C8orf33: variants seen among roughly 807,000 people sequenced by gnomAD.
The protein encoded by C8orf33 is chromosome 8 open reading frame 33, also known as UPF0488 protein C8orf33.
A neutral mutation model predicts 25.7 loss-of-function variants in C8orf33; 28 were observed. The observed-to-expected ratio is 1.09, with a 90% CI of 0.81 to 1.49. The LOEUF (loss-of-function observed/expected upper bound fraction) is 1.49, where lower values mean the gene tolerates loss of function less well. C8orf33 is among the 40% of genes most tolerant of loss of function. C8orf33 has a pLI of 0.00. For missense variants in C8orf33, 369 were observed against 294.4 expected, an observed-to-expected ratio of 1.25 and a Z score of -1.85; for synonymous variants, 153 against 115.9, an observed-to-expected ratio of 1.32 and a Z score of -2.06.
chr8:145,052,475 G>C lies in C8orf33; in HGVS notation c.-17G>C. On this transcript the variant is annotated 5_prime_UTR_variant, in exon 1 of 5. Coordinates refer to ENST00000331434, the MANE Select transcript of C8orf33 (RefSeq NM_023080.3). ...CGGACTCTGCGCCCCGCGTAGTTCC[G>C]GTGGCGACTGCGGCGCATGGCGGTG... The C allele has an allele frequency of 6.3e-7, 1 of 1,597,726 alleles. No homozygotes were observed. Among genetic ancestry groups the C allele is most frequent in the African/African-American group, 1.3e-5 (1 of 74,820 alleles).
rs1408223832 is a variant in C8orf33 at position 145,055,300 on chromosome 8, A to T, written c.*1143A>T. On this transcript the variant is annotated 3_prime_UTR_variant, in exon 5 of 5. Coordinates refer to ENST00000331434, the MANE Select transcript of C8orf33 (RefSeq NM_023080.3). ...CAATTACTCTTTATTCCAATATTAT[A>T]ATAATCCTCACTCTACAATCATAAC... is the stretch of plus-strand genomic sequence containing the variant. 6.6e-5 allele frequency: 10 copies of T among 152,252 alleles called. No individual in the cohort carries two copies. The highest frequency in any genetic ancestry group is 1.5e-4 in the Non-Finnish European group (10 of 68,084). 9.4% of individuals were successfully genotyped at this position (152,252 alleles called of 1,614,324 possible).
At chr8:145,053,266 G>A (rs766541371) in intron 3 of C8orf33, 31 bp from the exon 4 acceptor site, 55 of 1,613,788 alleles carry the variant, frequency 3.4e-5, no homozygotes, top group Middle Eastern at 1.6e-4. Context: ...AGTAATAGAG[G>A]TGTTCACTAG....
intron 4 of C8orf33, 142 bp downstream of exon 4, chr8:145,053,585 A>C (rs79908634): frequency 0.031 from 25,214 of 807,996 alleles, 430 homozygotes; most frequent in Middle Eastern, 0.037. Context: ...GCAGGGAAAC[A>C]GAAAGCGTGG....
chr8:145,052,497 G>C lies in C8orf33; in HGVS notation c.6G>C (p.Ala2=). The C allele has an allele frequency of 1.9e-6, 3 of 1,599,218 alleles. No homozygotes were observed. The highest frequency in any genetic ancestry group is 2.5e-6 in the Non-Finnish European group (3 of 1,179,568). The change falls in exon 1 of 5, where the codon GCG becomes GCC. Residue 2 remains alanine, a splice_region_variant and synonymous_variant. Transcript: ENST00000331434. ...TCCGGTGGCGACTGCGGCGCATGGCGGTGAGCGGTGTGGAGAAGACGCGCG... is the reference window on the plus strand; with the variant it reads ...TCCGGTGGCGACTGCGGCGCATGGCCGTGAGCGGTGTGGAGAAGACGCGCG... M[A]ALGHLAGEAA...
At position 145,055,346 on chromosome 8, in the gene C8orf33, C is replaced by G. The variant is rs1011859456; in HGVS notation, c.*1189C>G. 1 of 152,278 alleles carries G rather than the reference C, an allele frequency of 6.6e-6. No individual in the cohort carries two copies. The highest frequency in any genetic ancestry group is 2.4e-5 in the African/African-American group (1 of 41,404). 9.4% of individuals were successfully genotyped at this position (152,278 alleles called of 1,614,324 possible). A position where few individuals can be genotyped will look rare whatever the true frequency, so the allele number is the denominator to read the frequency against. ...ATAACCTAGGAAAAACCAGGCCATA[C>G]AGAGATAGGAGCCGAGGGGACATAG... is the stretch of plus-strand genomic sequence containing the variant. On this transcript the variant is annotated 3_prime_UTR_variant, in exon 5 of 5. Transcript: ENST00000331434.
Position 145,053,345 on chromosome 8 carries a change from CCTT to C in C8orf33, c.453_455del (p.Leu152del). 6.2e-7 allele frequency: 1 copy of C among 1,614,214 alleles called. No individual in the cohort carries two copies. The highest frequency in any genetic ancestry group is 8.5e-7 in the Non-Finnish European group (1 of 1,180,034). ...CGAACCCTGCGCAGCAAAAGAACGC[CCTT>C]GCCCCGGAAGAGGCAGCTGATGCAC... On this transcript the variant is annotated inframe_deletion, in exon 4 of 5. Transcript: ENST00000331434.
intron 3 of C8orf33, 51 bp from the exon 4 acceptor site, chr8:145,053,246 G>C (rs762811128): frequency 6.2e-7 from 1 of 1,613,090 alleles, no homozygotes; most frequent in East Asian, 2.2e-5. Context: ...CGGCGGGGTG[G>C]TAGGAGGTCA....
rs1056143803 is a variant in C8orf33, at chr8:145,055,584, G to C, written c.*1427G>C. On this transcript the variant is annotated 3_prime_UTR_variant, in exon 5 of 5. Coordinates refer to ENST00000331434, the MANE Select transcript of C8orf33 (RefSeq NM_023080.3). ...CCTTTCCCCGGGGGAGTTTAGAGAA[G>C]ACTACTCCTCCACCTCTTGTGGAGG... 2 of 158,212 alleles carry C rather than the reference G, an allele frequency of 1.3e-5. No individual in the cohort carries two copies. The highest frequency in any genetic ancestry group is 2.7e-5 in the Non-Finnish European group (2 of 73,334). 9.8% of individuals were successfully genotyped at this position (158,212 alleles called of 1,614,324 possible). A position where few individuals can be genotyped will look rare whatever the true frequency, so the allele number is the denominator to read the frequency against.
chr8:145,053,417 G>A lies in C8orf33; in HGVS notation c.524G>A (p.Arg175His), dbSNP rs748114106. ...DYRAQMEAEW[R>H]EALRALRAAA... is the part of the protein sequence containing the mutation. Reference sequence around the variant, plus strand: ...AGGGCTCAGATGGAAGCCGAATGGCGTGAGGCCCTGCGGGCTCTCAGAGCT... The same window carrying A: ...AGGGCTCAGATGGAAGCCGAATGGCATGAGGCCCTGCGGGCTCTCAGAGCT... Residue 175 changes from arginine to histidine, a missense_variant, in exon 4 of 5, where the codon CGT becomes CAT. Arg to His is a conservative substitution (Grantham distance 29). Transcript: ENST00000331434. 1.2e-6 allele frequency: 2 copies of A among 1,614,104 alleles called. No individual in the cohort carries two copies. The highest frequency in any genetic ancestry group is 1.7e-5 in the Admixed American group (1 of 60,014).
At position 145,052,657 on chromosome 8, in the gene C8orf33, C is replaced by T. The variant is rs758154681; in HGVS notation, c.78C>T (p.Ala26=). The change falls in exon 2 of 5, where the codon GCC becomes GCT. Residue 26 remains alanine (A), a synonymous_variant. Transcript: ENST00000331434. ...GTACTCCCTGCGCGTCCCGCGGAGC[C>T]CGGCTTCCCGGCCCAGTTTCCAGCG... ...GPGTPCASRG[A]RLPGPVSSAR... is the part of the protein sequence containing the mutation. 3 of 1,613,094 alleles carry T rather than the reference C, an allele frequency of 1.9e-6. No homozygotes were observed. The highest frequency in any genetic ancestry group is 1.7e-5 in the Admixed American group (1 of 60,006).
At chr8:145,052,530 G>C in intron 1 of C8orf33, 33 bp downstream of exon 1, 1 of 1,600,630 alleles carries the variant, frequency 6.2e-7, no homozygotes, top group Non-Finnish European at 8.5e-7. Flanking sequence ...GCGGGTGGCT[G>C]GGCCTTGCAT....
At chr8:145,053,652 G>A in intron 4 of C8orf33, 2 of 616,318 alleles carry the variant, frequency 3.2e-6, no homozygotes, top group Non-Finnish European at 2.8e-6. Context: ...GGCCCTGGGA[G>A]GAGTGGGAAA....
rs892714675 is a variant in C8orf33, at chr8:145,052,790, CAAAAG to C, written c.214_218del (p.Lys72Ter). 6.2e-6 allele frequency: 10 copies of C among 1,614,000 alleles called. No individual in the cohort carries two copies. Among genetic ancestry groups the C allele is most frequent in the Admixed American group, 1.7e-5 (1 of 60,008 alleles). ...TGAAGGCGGCACAGCGTCGAAAAAACAAAAGAATAAGAAGAAAACGCGGAACAGGG... is the reference window on the plus strand; with the variant it reads ...TGAAGGCGGCACAGCGTCGAAAAAACAATAAGAAGAAAACGCGGAACAGGG... On this transcript the variant is annotated frameshift_variant, in exon 2 of 5. Coordinates refer to ENST00000331434, the MANE Select transcript of C8orf33 (RefSeq NM_023080.3). LOFTEE classifies it high-confidence loss of function.
chr8:145,052,949 G>C, intron 2 of C8orf33, 52 bp downstream of exon 2: 3 of 1,591,400 alleles, frequency 1.9e-6, no homozygotes, highest in South Asian at 1.1e-5. Flanking sequence ...GCGAATCCAC[G>C]GGCACGTGTG....
In C8orf33 at chr8:145,054,260, G is replaced by C. The variant is rs1835323988; in HGVS notation, c.*103G>C. ...ACTTCTGTTGTCAGAGAACCCTGGA[G>C]TTGGTCTGTCCCTGGCTGGTCCAAG... On this transcript the variant is annotated 3_prime_UTR_variant, in exon 5 of 5. Transcript: ENST00000331434. 2.2e-6 allele frequency: 3 copies of C among 1,379,572 alleles called. No individual in the cohort carries two copies. Among genetic ancestry groups the C allele is most frequent in the Non-Finnish European group, 3.0e-6 (3 of 1,004,730 alleles). The allele number at this position is 1,379,572 out of a possible 1,614,324, so 85.5% of individuals were successfully genotyped here.
Position 145,054,239 on chromosome 8 carries a change from C to A in C8orf33, c.*82C>A. On this transcript the variant is annotated 3_prime_UTR_variant, in exon 5 of 5. Transcript: ENST00000331434. ...TGAGTGCAGAGCCTTTCCAGGACTT[C>A]TGTTGTCAGAGAACCCTGGAGTTGG... 6.7e-7 allele frequency: 1 copy of A among 1,501,440 alleles called. No individual in the cohort carries two copies. Among genetic ancestry groups the A allele is most frequent in the Non-Finnish European group, 9.0e-7 (1 of 1,106,026 alleles). The allele number at this position is 1,501,440 out of a possible 1,614,324, so 93.0% of individuals were successfully genotyped here. A position where few individuals can be genotyped will look rare whatever the true frequency, so the allele number is the denominator to read the frequency against.
Position 145,052,862 on chromosome 8 carries a change from G to A in C8orf33, c.283G>A (p.Ala95Thr), listed in dbSNP as rs571241836. ...NGGEKASEKL[A>T]PEEVPLSAEA... ...AGGCGAGAAGGCCTCAGAGAAACTC[G>A]CCCCAGAAGAAGTTCCCCTAAGCGC... is the stretch of plus-strand genomic sequence containing the variant. Residue 95 changes from alanine (A) to threonine (T), a missense_variant, in exon 2 of 5, where the codon GCC becomes ACC. Ala to Thr is a moderately conservative substitution (Grantham distance 58). Coordinates refer to ENST00000331434, the MANE Select transcript of C8orf33 (RefSeq NM_023080.3). 5.6e-6 allele frequency: 9 copies of A among 1,613,442 alleles called. No homozygotes were observed. The East Asian group carries it at 2.0e-4, about 36-fold the overall frequency.
rs551375087 is a variant in C8orf33 at position 145,052,624 on chromosome 8, A to C, written c.45A>C (p.Pro15=). Residue 15 remains proline (P), a synonymous_variant, in exon 2 of 5, where the codon CCA becomes CCC. Transcript: ENST00000331434. ...GHLAGEAAAA[P]GPGTPCASRG... ...TTGCTGGGGAGGCAGCGGCGGCCCC[A>C]GGCCCGGGTACTCCCTGCGCGTCCC... The C allele has an allele frequency of 1.2e-6, 2 of 1,610,288 alleles. No individual in the cohort carries two copies. Among genetic ancestry groups the C allele is most frequent in the Non-Finnish European group, 1.7e-6 (2 of 1,179,778 alleles).
Position 145,052,615 on chromosome 8 carries a change from G to A in C8orf33, c.36G>A (p.Ala12=), listed in dbSNP as rs576048175. Residue 12 remains alanine (A), a synonymous_variant, in exon 2 of 5, where the codon GCG becomes GCA. Coordinates refer to ENST00000331434, the MANE Select transcript of C8orf33 (RefSeq NM_023080.3). ...AALGHLAGEA[A]AAPGPGTPCA... ...TGGGACATCTTGCTGGGGAGGCAGC[G>A]GCGGCCCCAGGCCCGGGTACTCCCT... 1.9e-5 allele frequency: 31 copies of A among 1,609,132 alleles called. No individual in the cohort carries two copies. In the South Asian group the frequency reaches 3.0e-4, roughly 15 times the overall value.
Sources: allele counts gnomAD v4.1 joint callset, GRCh38; gene constraint gnomAD v4.1.1; transcripts MANE v1.5; gene names NCBI Gene and HGNC (gene_info 2026-07-23, HGNC 2026-07-21).